IQCE: variants seen among roughly 807,000 people sequenced by gnomAD.
The protein encoded by IQCE is IQ motif containing E, also known as IQ domain-containing protein E.
In IQCE, 115 loss-of-function variants were observed where a neutral mutation model predicts 96.0. The ratio of observed to expected loss-of-function variants is 1.20; its 90% CI spans 1.03 to 1.40. The LOEUF (loss-of-function observed/expected upper bound fraction) is 1.40, where lower values mean the gene tolerates loss of function less well. IQCE is among the 40% of genes most tolerant of loss of function. The probability of loss-of-function intolerance (pLI) is 0.00; values close to 1 mark genes in which losing one functional copy is unlikely to be tolerated. For synonymous variants in IQCE, 412 were observed against 371.2 expected (o/e 1.11, Z -1.26); for missense variants, 1,041 against 909.1 (o/e 1.15, Z -1.87).
At chr7:2,605,448 G>C (rs1279370854) in intron 19 of IQCE, among the ~76,000 whole-genome samples, 1 of 151,924 alleles carries the variant, frequency 6.6e-6, no homozygotes, top group Non-Finnish European at 1.5e-5. Context: ...GTGAAACTCT[G>C]TCTCTACTAA....
chr7:2,571,349 A>T, intron 3 of IQCE, 177 bp from the exon 4 acceptor site: 1 of 723,056 alleles, frequency 1.4e-6, no homozygotes, highest in Non-Finnish European at 2.3e-6. Flanking sequence ...AATAAAAGTT[A>T]AAGGAGAAAT....
intron 9 of IQCE, among the ~76,000 whole-genome samples, chr7:2,583,184 C>T (rs532763234): frequency 3.3e-5 from 5 of 152,310 alleles, no homozygotes; most frequent in African/African-American, 1.2e-4. Flanking sequence ...GTTTCTCTAT[C>T]GATGTGTCTA....
At position 2,610,040 on chromosome 7, in the gene IQCE, G is replaced by A. The variant is rs759779761; in HGVS notation, c.1970-4G>A. The A allele has an allele frequency of 2.6e-6, 4 of 1,540,046 alleles. No homozygotes were observed. Among genetic ancestry groups the A allele is most frequent in the East Asian group, 2.2e-5 (1 of 44,534 alleles). The stretch of plus-strand genomic sequence containing the variant: ...ACCCCTCTCCCTGTGGTTCATTTCT[G>A]CAGACCCCTCTCCCTCAGGGCCACA... On this transcript the variant is annotated splice_region_variant and splice_polypyrimidine_tract_variant and intron_variant, in intron 21 of 21. Coordinates refer to ENST00000402050, the MANE Select transcript of IQCE (RefSeq NM_152558.5).
chr7:2,598,648 G>T lies in IQCE; in HGVS notation c.1608+16G>T. 6.7e-7 allele frequency: 1 copy of T among 1,503,114 alleles called. No homozygotes were observed. The highest frequency in any genetic ancestry group is 8.9e-7 in the Non-Finnish European group (1 of 1,125,152). The allele number at this position is 1,503,114 out of a possible 1,614,324, so 93.1% of individuals were successfully genotyped here. On this transcript the variant is annotated intron_variant, in intron 17 of 21. Transcript: ENST00000402050. ...CAAGCACAAGGTGAGGCTCCCCGGG[G>T]CGACCCGGGCTGCTCCCTGTGAGTC...
chr7:2,593,644 C>T (rs1280430194), intron 15 of IQCE, among the ~76,000 whole-genome samples: 1 of 152,224 alleles, frequency 6.6e-6, no homozygotes, highest in African/African-American at 2.4e-5. Context: ...CAAAAGGCCG[C>T]GTAGCACACG....
At chr7:2,579,610 C>T (rs1480591466) in intron 8 of IQCE, among the ~76,000 whole-genome samples, 1 of 152,094 alleles carries the variant, frequency 6.6e-6, no homozygotes, top group Non-Finnish European at 1.5e-5. Context: ...AGCTCGGCAC[C>T]TAGGACGGCA....
At chr7:2,589,300 C>G (rs1049873072) in intron 13 of IQCE, among the ~76,000 whole-genome samples, 2 of 151,974 alleles carry the variant, frequency 1.3e-5, no homozygotes, top group Admixed American at 6.6e-5. Flanking sequence ...CCCAGGAGTT[C>G]AAGGATGCAG....
chr7:2,609,173 A>G (rs2128475247), intron 21 of IQCE, among the ~76,000 whole-genome samples: 1 of 152,146 alleles, frequency 6.6e-6, no homozygotes. Context: ...GAATGGATTA[A>G]AAGTTTGGAA....
rs556543396 is a variant in IQCE at position 2,566,901 on chromosome 7, C to G, written c.37-215C>G. ...AGACATTTGCACGCCTGCTGGGCGG[C>G]GTTTTGTGTTTTGTTCCCCCCACCC... On this transcript the variant is annotated intron_variant, in intron 1 of 21. Coordinates refer to ENST00000402050, the MANE Select transcript of IQCE (RefSeq NM_152558.5). Among the ~76,000 whole-genome samples, 3 of 152,308 alleles carry G rather than the reference C, an allele frequency of 2.0e-5. No individual in the cohort carries two copies. In the South Asian group the frequency reaches 6.2e-4, roughly 32 times the overall value.
rs201858495 is a variant in IQCE, at chr7:2,605,951, A to G, written c.1819A>G (p.Ile607Val). The G allele has an allele frequency of 1.2e-4, 200 of 1,611,274 alleles. 1 individual carries two copies. Among genetic ancestry groups the G allele is most frequent in the East Asian group, 6.7e-4 (30 of 44,694 alleles). The change falls in exon 20 of 22, where the codon ATC (isoleucine) becomes GTC (valine). Residue 607 changes from isoleucine (I) to valine (V), a missense_variant. Physicochemically the swap from Ile to Val is conservative, Grantham distance 29 (BLOSUM62 3). Coordinates refer to ENST00000402050, the MANE Select transcript of IQCE (RefSeq NM_152558.5). ...GSPVQEEAIV[I>V]IQSALRAHLA... is the part of the protein sequence containing the mutation. Reference sequence around the variant, plus strand: ...CCCTGTGCAGGAGGAGGCCATCGTCATCATCCAGTCCGCTCTGCGGGCACA... The same window carrying G: ...CCCTGTGCAGGAGGAGGCCATCGTCGTCATCCAGTCCGCTCTGCGGGCACA...
Position 2,612,125 on chromosome 7 carries a change from T to G in IQCE, c.*1963T>G, listed in dbSNP as rs1368995406. On this transcript the variant is annotated 3_prime_UTR_variant, in exon 22 of 22. Coordinates refer to ENST00000402050, the MANE Select transcript of IQCE (RefSeq NM_152558.5). ...TGTTTCTGCGGGACGTGCTCACTCT[T>G]GGGAACCAGTGGCCTAGAGCTTTGG... The G allele has an allele frequency of 6.6e-6, 1 of 152,242 alleles. No homozygotes were observed. Among genetic ancestry groups the G allele is most frequent in the East Asian group, 1.9e-4 (1 of 5,202 alleles). 9.4% of individuals were successfully genotyped at this position (152,242 alleles called of 1,614,324 possible). A position where few individuals can be genotyped will look rare whatever the true frequency, so the allele number is the denominator to read the frequency against.
chr7:2,607,072 G>A, intron 20 of IQCE, 52 bp from the exon 21 acceptor site: 1 of 1,499,844 alleles, frequency 6.7e-7, no homozygotes, highest in Non-Finnish European at 9.0e-7. Context: ...ACCTCAGAGA[G>A]GTTTGTACTC....
intron 1 of IQCE, among the ~76,000 whole-genome samples, chr7:2,561,422 A>ATT (rs1411351609): frequency 9.8e-5 from 14 of 143,430 alleles, no homozygotes; most frequent in Non-Finnish European, 1.2e-4. Flanking sequence ...ATATACAATA[A>ATT]TTTTTTTTTT....
chr7:2,578,183 G>T, intron 6 of IQCE, 59 bp from the exon 7 acceptor site: 1 of 1,311,508 alleles, frequency 7.6e-7, no homozygotes. Context: ...GCGGGGACGT[G>T]TGTGCGGCGT....
chr7:2,563,665 C>T (rs1359381667), intron 1 of IQCE, among the ~76,000 whole-genome samples: 9 of 151,896 alleles, frequency 5.9e-5, no homozygotes, highest in African/African-American at 4.8e-5. Flanking sequence ...GAGGCCGAGG[C>T]GGGCGGATCA....
chr7:2,569,746 C>G lies in IQCE; in HGVS notation c.130+747C>G, dbSNP rs865784609. On this transcript the variant is annotated intron_variant, in intron 3 of 21. Coordinates refer to ENST00000402050, the MANE Select transcript of IQCE (RefSeq NM_152558.5). ...TGTAGATGTGTGTCTATTTTATATA[C>G]GCGTATCATATATTTCAAAGGTTCA... 5.9e-5 allele frequency among the ~76,000 whole-genome samples: 9 copies of G among 152,288 alleles called. No individual in the cohort carries two copies. The South Asian group carries it at 1.2e-3, about 21-fold the overall frequency.
At position 2,606,002 on chromosome 7, in the gene IQCE, G is replaced by C; in HGVS notation, c.1865+5G>C. 6.2e-7 allele frequency: 1 copy of C among 1,606,148 alleles called. No individual in the cohort carries two copies. The highest frequency in any genetic ancestry group is 1.1e-5 in the South Asian group (1 of 89,838). ...CCTGGCCCGGGCCAGGCACAGGTGA[G>C]TCAGGGTCACGGGGACGTGGGACAC... is the stretch of plus-strand genomic sequence containing the variant. On this transcript the variant is annotated splice_donor_5th_base_variant and intron_variant, in intron 20 of 21. Coordinates refer to ENST00000402050, the MANE Select transcript of IQCE (RefSeq NM_152558.5).
intron 16 of IQCE, chr7:2,597,070 G>A (rs1784094114): frequency 2.1e-6 from 1 of 471,182 alleles, no homozygotes; most frequent in South Asian, 1.5e-5. Context: ...CGTCGGCCAG[G>A]AGGCGGCAGG....
chr7:2,573,866 C>G (rs1212286241), intron 6 of IQCE, among the ~76,000 whole-genome samples: 4 of 152,206 alleles, frequency 2.6e-5, no homozygotes, highest in African/African-American at 4.8e-5. Flanking sequence ...ATCAAGACAT[C>G]TCACATGCCC....
Sources: allele counts gnomAD v4.1 joint callset (sites outside exome capture counted in the v4.1 genomes callset), GRCh38; gene constraint gnomAD v4.1.1; transcripts MANE v1.5; gene names NCBI Gene and HGNC (gene_info 2026-07-23, HGNC 2026-07-21).